The following CADPS variants were observed in gnomAD, a reference collection of about 807,000 sequenced individuals.
The protein encoded by CADPS is calcium-dependent secretion activator 1.
CADPS carries 57 observed loss-of-function variants against 167.3 expected under a neutral mutation model. The ratio of observed to expected loss-of-function variants is 0.34; its 90% CI spans 0.28 to 0.42. The LOEUF is 0.42. Ranked by LOEUF, CADPS falls within the 20% of genes least tolerant of loss-of-function variation. The probability of loss-of-function intolerance (pLI) is 1.00; values close to 1 mark genes in which losing one functional copy is unlikely to be tolerated. For missense variants in CADPS, 1,414 were observed against 1,738.1 expected (o/e 0.81, Z 3.32); for synonymous variants, 676 against 635.3 (o/e 1.06, Z -0.96).
chr3:62,499,076 A>G, intron 18 of CADPS, 86 bp downstream of exon 18: 1 of 754,164 alleles, frequency 1.3e-6, no homozygotes, highest in Non-Finnish European at 2.3e-6. Context: ...GTGTTAAGGC[A>G]TCTTATTCAC....
At chr3:62,444,990 C>A (rs990087030) in intron 27 of CADPS, among the ~76,000 whole-genome samples, 1 of 152,144 alleles carries the variant, frequency 6.6e-6, no homozygotes, top group Non-Finnish European at 1.5e-5. Context: ...GAAACAAAAT[C>A]ATTTTCTTTT....
chr3:62,440,183 T>C (rs774675175), intron 27 of CADPS: 6 of 152,202 alleles, frequency 3.9e-5, no homozygotes, highest in Non-Finnish European at 5.9e-5. Flanking sequence ...AAATATTTGC[T>C]GAATGGACAA....
intron 17 of CADPS, chr3:62,500,087 A>T (rs1477368533): frequency 6.6e-6 from 1 of 152,188 alleles, no homozygotes; most frequent in Non-Finnish European, 1.5e-5. Flanking sequence ...AAAAATTACA[A>T]ACTTTTTTCC....
intron 29 of CADPS, 65 bp downstream of exon 29, chr3:62,403,016 A>C (rs907391443): frequency 4.2e-5 from 43 of 1,018,084 alleles, no homozygotes; most frequent in Non-Finnish European, 6.3e-5. Context: ...CAAGCTTTGC[A>C]GCTTGCCAGT....
At chr3:62,745,581 G>A (rs913160528) in intron 3 of CADPS, among the ~76,000 whole-genome samples, 1 of 152,144 alleles carries the variant, frequency 6.6e-6, no homozygotes, top group South Asian at 2.1e-4. Flanking sequence ...CAGAAGGAAA[G>A]TTTATGCCTG....
intron 1 of CADPS, among the ~76,000 whole-genome samples, chr3:62,804,250 G>T (rs995528): frequency 0.014 from 2,170 of 152,244 alleles, 43 homozygotes; most frequent in African/African-American, 0.039. Flanking sequence ...GATAAATGAA[G>T]AAACTGGGGA....
At chr3:62,827,256 T>A (rs1461232020) in intron 1 of CADPS, among the ~76,000 whole-genome samples, 1 of 152,098 alleles carries the variant, frequency 6.6e-6, no homozygotes, top group Non-Finnish European at 1.5e-5. Flanking sequence ...GGTAGTGAAG[T>A]GTGAAAAACA....
chr3:62,457,600 C>A (rs147725922), intron 26 of CADPS, among the ~76,000 whole-genome samples: 1 of 152,200 alleles, frequency 6.6e-6, no homozygotes, highest in East Asian at 1.9e-4. Flanking sequence ...TTTTGATTGA[C>A]CTTGTCATGG....
chr3:62,874,834 C>A lies in CADPS; in HGVS notation c.196G>T (p.Gly66Cys), dbSNP rs1329096152. 1 of 1,042,790 alleles carries A rather than the reference C, an allele frequency of 9.6e-7. No individual in the cohort carries two copies. The highest frequency in any genetic ancestry group is 1.2e-6 in the Non-Finnish European group (1 of 860,700). 64.6% of individuals were successfully genotyped at this position (1,042,790 alleles called of 1,614,324 possible). A position where few individuals can be genotyped will look rare whatever the true frequency, so the allele number is the denominator to read the frequency against. ...GAGVGAGGGG[G>C]SGASSGGGAG... is the part of the protein sequence containing the mutation. ...CCGCCGCCGCTGCTCGCGCCGCTGC[C>A]CCCGCCGCCGCCTGCACCCACCCCG... The change falls in exon 1 of 30, where the codon GGC becomes TGC. Residue 66 changes from glycine (G) to cysteine (C), a missense_variant. Around this residue, in one of 6 missense-constraint regions of CADPS, gnomAD observed 522 missense variants for 559.5 expected, o/e 0.93. Transcript: ENST00000383710. The surrounding 1 kb of genome is among the most constrained non-coding windows in gnomAD (Gnocchi z 7.1).
At chr3:62,766,419 A>G (rs1275217281) in intron 1 of CADPS, among the ~76,000 whole-genome samples, 1 of 152,130 alleles carries the variant, frequency 6.6e-6, no homozygotes, top group Non-Finnish European at 1.5e-5. Flanking sequence ...GACCATGGAA[A>G]TTGGCAAATG....
intron 26 of CADPS, among the ~76,000 whole-genome samples, chr3:62,449,584 C>T (rs2057742786): frequency 1.3e-5 from 2 of 152,148 alleles, no homozygotes; most frequent in African/African-American, 4.8e-5. Flanking sequence ...TCCCAACCCA[C>T]TAGAGTTTTG....
chr3:62,616,484 C>T (rs926835158), intron 6 of CADPS, among the ~76,000 whole-genome samples: 5 of 152,208 alleles, frequency 3.3e-5, no homozygotes, highest in South Asian at 2.1e-4. Flanking sequence ...GCTCTTCCTA[C>T]AGCAGTGGTG....
In CADPS at chr3:62,446,968, G is replaced by A. The variant is rs538695263; in HGVS notation, c.3637-1171C>T. On this transcript the variant is annotated intron_variant, in intron 26 of 29. Coordinates refer to ENST00000383710, the MANE Select transcript of CADPS (RefSeq NM_003716.4). This position sits in a 1 kb window ranked among gnomAD's most constrained non-coding sequence, Gnocchi z 4.9. ...GGCTGAGATCAATATTAGGAATCAAGCTTCACCCAAATGTCTCCCAGAAAA... is the reference window on the plus strand; with the variant it reads ...GGCTGAGATCAATATTAGGAATCAAACTTCACCCAAATGTCTCCCAGAAAA... Among the ~76,000 whole-genome samples the A allele has an allele frequency of 1.4e-3, 216 of 152,254 alleles. No individual in the cohort carries two copies. The highest frequency in any genetic ancestry group is 2.5e-3 in the Non-Finnish European group (170 of 68,008).
intron 22 of CADPS, among the ~76,000 whole-genome samples, chr3:62,480,408 T>C (rs2150802256): frequency 6.6e-6 from 1 of 152,352 alleles, no homozygotes; most frequent in East Asian, 1.9e-4. Flanking sequence ...TGTTCTTTTT[T>C]AGAAGCTTTT....
chr3:62,829,323 A>T (rs1390263547), intron 1 of CADPS, among the ~76,000 whole-genome samples: 1 of 152,176 alleles, frequency 6.6e-6, no homozygotes, highest in East Asian at 1.9e-4. Context: ...TGTATTAGGT[A>T]TTATAAGTAA....
chr3:62,776,816 T>C (rs564016220), intron 1 of CADPS, among the ~76,000 whole-genome samples: 1 of 151,804 alleles, frequency 6.6e-6, no homozygotes, highest in South Asian at 2.1e-4. Context: ...GAGGCAGGGA[T>C]AGCTGGGAAA....
chr3:62,595,986 C>G (rs1292598586), intron 6 of CADPS, among the ~76,000 whole-genome samples: 10 of 152,026 alleles, frequency 6.6e-5, no homozygotes, highest in Admixed American at 6.6e-5. Context: ...TTTTGGGACT[C>G]AGACTGGCTC....
intron 11 of CADPS, among the ~76,000 whole-genome samples, chr3:62,545,628 T>C (rs1057356468): frequency 6.6e-5 from 10 of 152,156 alleles, no homozygotes; most frequent in African/African-American, 2.2e-4. Context: ...TTTTTTCAGT[T>C]TTTACAGTTC....
In CADPS at chr3:62,687,734, A is replaced by ATTTTTTTTTTTTTTTTTTTTT. The variant is rs201429638; in HGVS notation, c.889-25341_889-25340insAAAAAAAAAAAAAAAAAAAAA. On this transcript the variant is annotated intron_variant, in intron 3 of 29. Transcript: ENST00000383710. Reference sequence around the variant, plus strand: ...TTGCTACTTCCGGGGTTCCCTTCGCATTTTTTTTTTTTTTTTTTGCTTCTA... The same window carrying ATTTTTTTTTTTTTTTTTTTTT: ...TTGCTACTTCCGGGGTTCCCTTCGCATTTTTTTTTTTTTTTTTTTTTTTTTTTTTTTTTTTTTTTGCTTCTA... Among the ~76,000 whole-genome samples the ATTTTTTTTTTTTTTTTTTTTT allele has an allele frequency of 1.6e-5, 2 of 128,336 alleles. 1 individual carries two copies. The highest frequency in any genetic ancestry group is 3.2e-5 in the Non-Finnish European group (2 of 61,718). The allele number at this position is 128,336 out of a possible 152,430, so 84.2% of individuals were successfully genotyped here. A position where few individuals can be genotyped will look rare whatever the true frequency, so the allele number is the denominator to read the frequency against.
Sources: gnomAD v4.1 joint callset for allele counts (sites outside exome capture counted in the v4.1 genomes callset) on GRCh38, gnomAD v4.1.1 for gene constraint, gnomAD v4.1.1 regional missense constraint, Gnocchi (gnomAD v3.1) non-coding constraint, MANE v1.5 for transcripts, NCBI Gene and HGNC (gene_info 2026-07-23, HGNC 2026-07-21) for gene names.